The following FLI1 variants were observed in gnomAD, a reference collection of about 807,000 sequenced individuals.
FLI1 encodes the protein Fli-1 proto-oncogene, ETS transcription factor, also known as Friend leukemia integration 1 transcription factor.
FLI1 carries 13 observed loss-of-function variants against 53.1 expected under a neutral mutation model. The ratio of observed to expected loss-of-function variants is 0.24; its 90% confidence interval spans 0.16 to 0.39. The LOEUF is 0.39. Ranked by LOEUF, FLI1 falls within the 10% of genes least tolerant of loss-of-function variation. The pLI is 1.00. For missense variants in FLI1, 424 were observed against 600.5 expected (o/e 0.71, Z 3.07); for synonymous variants, 244 against 236.7 (o/e 1.03, Z -0.28).
rs61050928 is a variant in FLI1, at chr11:128,784,220, T to TCTCCTCCTC, written c.655+2239_655+2247dup. ...CCAAGTTGAAATGTGTTGCTAACCATCTCCTCCTCCTCCTCCTCCTCCTCC... is the reference window on the plus strand; with the variant it reads ...CCAAGTTGAAATGTGTTGCTAACCATCTCCTCCTCCTCCTCCTCCTCCTCCTCCTCCTCC... On this transcript the variant is annotated intron_variant, in intron 5 of 8. Coordinates refer to ENST00000527786, the MANE Select transcript of FLI1 (RefSeq NM_002017.5). 7.8e-3 allele frequency among the ~76,000 whole-genome samples: 914 copies of TCTCCTCCTC among 117,506 alleles called. 2 individuals carry two copies. The highest frequency in any genetic ancestry group is 0.014 in the South Asian group (45 of 3,254). The allele number at this position is 117,506 out of a possible 152,430, so 77.1% of individuals were successfully genotyped here.
rs529713389 is a variant in FLI1 at position 128,748,206 on chromosome 11, G to A, written c.19-9909G>A. On this transcript the variant is annotated intron_variant, in intron 1 of 8. Coordinates refer to ENST00000527786, the MANE Select transcript of FLI1 (RefSeq NM_002017.5). ...AAACACCATTAAATAAAGTACTTTC[G>A]TCTGCAAATAATTGCAATTGCATCT... The A allele has an allele frequency of 4.1e-5, 38 of 932,726 alleles. No individual in the cohort carries two copies. In the African/African-American group the frequency reaches 4.8e-4, roughly 12 times the overall value. The allele number at this position is 932,726 out of a possible 1,614,324, so 57.8% of individuals were successfully genotyped here. A position where few individuals can be genotyped will look rare whatever the true frequency, so the allele number is the denominator to read the frequency against.
intron 1 of FLI1, among the ~76,000 whole-genome samples, chr11:128,687,643 C>A (rs1256144973): frequency 9.9e-5 from 15 of 152,172 alleles, no homozygotes. Context: ...CCTCGAGTGT[C>A]GGGCAAATGC....
Position 128,765,788 on chromosome 11 carries a change from G to A in FLI1, c.231-2330G>A, listed in dbSNP as rs573964669. Among the ~76,000 whole-genome samples, 14 of 152,270 alleles carry A rather than the reference G, an allele frequency of 9.2e-5. 1 individual carries two copies. The highest frequency in any genetic ancestry group is 4.1e-4 in the South Asian group (2 of 4,832). Reference sequence around the variant, plus strand: ...TGCGTGAGTGTGTGTGTATGCACGCGTGTGTGTAATGTGTATGCGTGTGTG... The same window carrying A: ...TGCGTGAGTGTGTGTGTATGCACGCATGTGTGTAATGTGTATGCGTGTGTG... On this transcript the variant is annotated intron_variant, in intron 2 of 8. Coordinates refer to ENST00000527786, the MANE Select transcript of FLI1 (RefSeq NM_002017.5).
intron 5 of FLI1, among the ~76,000 whole-genome samples, chr11:128,790,331 G>A (rs1200359369): frequency 1.3e-5 from 2 of 151,270 alleles, no homozygotes; most frequent in Non-Finnish European, 2.9e-5. Context: ...GGGTGACAGA[G>A]AGAAACAGAG....
chr11:128,759,220 G>A (rs1193919008), intron 2 of FLI1, among the ~76,000 whole-genome samples: 2 of 152,176 alleles, frequency 1.3e-5, no homozygotes, highest in Non-Finnish European at 2.9e-5. Flanking sequence ...TGGGCCAAAG[G>A]CACAAAGAGA....
At chr11:128,752,225 C>T (rs1244775406) in intron 1 of FLI1, among the ~76,000 whole-genome samples, 1 of 152,102 alleles carries the variant, frequency 6.6e-6, no homozygotes, top group Non-Finnish European at 1.5e-5. Context: ...ATCTTCCCGC[C>T]TCAGCCTTCC....
At chr11:128,789,671 G>A (rs1036880205) in intron 5 of FLI1, among the ~76,000 whole-genome samples, 1 of 152,234 alleles carries the variant, frequency 6.6e-6, no homozygotes. Flanking sequence ...ACTTGGGAAG[G>A]CGGGCATTTG....
At chr11:128,801,372 G>C (rs1243597929) in intron 5 of FLI1, among the ~76,000 whole-genome samples, 4 of 152,172 alleles carry the variant, frequency 2.6e-5, no homozygotes, top group African/African-American at 9.7e-5. Context: ...TGTATGTTGG[G>C]GACTAGAGAT....
At chr11:128,726,407 A>G (rs958190444) in intron 1 of FLI1, among the ~76,000 whole-genome samples, 2 of 152,144 alleles carry the variant, frequency 1.3e-5, no homozygotes, top group Non-Finnish European at 2.9e-5. Flanking sequence ...ACTTGGAGAG[A>G]ATGAGGGTCC....
chr11:128,695,068 C>A (rs1937992414), intron 1 of FLI1, among the ~76,000 whole-genome samples: 2 of 152,082 alleles, frequency 1.3e-5, no homozygotes, highest in Non-Finnish European at 1.5e-5. Flanking sequence ...GAGCTGTCGC[C>A]TCCGAAAGGG....
At chr11:128,783,931 G>GAGGGAAGGAAGGGA (rs1488109442) in intron 5 of FLI1, among the ~76,000 whole-genome samples, 1 of 151,904 alleles carries the variant, frequency 6.6e-6, no homozygotes, top group Non-Finnish European at 1.5e-5. Flanking sequence ...GAGAGAGAGA[G>GAGGGAAGGAAGGGA]AGGGAAGGAA....
upstream of FLI1, among the ~76,000 whole-genome samples, chr11:128,685,464 A>G (rs1865784229): frequency 6.6e-6 from 1 of 152,004 alleles, no homozygotes; most frequent in South Asian, 2.1e-4. Context: ...GCAGTCGGGA[A>G]ATGTGGGACT....
At chr11:128,791,265 G>A (rs1395677843) in intron 5 of FLI1, among the ~76,000 whole-genome samples, 2 of 152,106 alleles carry the variant, frequency 1.3e-5, no homozygotes, top group Non-Finnish European at 2.9e-5. Context: ...CTTGGTTCCT[G>A]TCTACTCTAT....
intron 2 of FLI1, chr11:128,764,816 G>A: frequency 6.3e-7 from 1 of 1,592,766 alleles, no homozygotes; most frequent in Non-Finnish European, 8.5e-7. Flanking sequence ...CAGGCGAGCG[G>A]GCGAGGTATG....
intron 5 of FLI1, among the ~76,000 whole-genome samples, chr11:128,785,232 G>C (rs1223866424): frequency 6.6e-6 from 1 of 152,010 alleles, no homozygotes; most frequent in African/African-American, 2.4e-5. Context: ...AAATAAACTA[G>C]GATAAAAGCT....
Position 128,751,358 on chromosome 11 carries a change from C to CTT in FLI1, c.19-6743_19-6742dup, listed in dbSNP as rs55904040. Among the ~76,000 whole-genome samples, 677 of 142,634 alleles carry CTT rather than the reference C, an allele frequency of 4.7e-3. 8 individuals are homozygous for CTT. Among genetic ancestry groups the CTT allele is most frequent in the African/African-American group, 0.016 (635 of 39,054 alleles). 93.6% of individuals were successfully genotyped at this position (142,634 alleles called of 152,430 possible). The stretch of plus-strand genomic sequence containing the variant: ...TGGCCTTCATTAAAATTTTTTTTAA[C>CTT]TTTTTTTTTTTTTTTGAGACACTGT... On this transcript the variant is annotated intron_variant, in intron 1 of 8. Coordinates refer to ENST00000527786, the MANE Select transcript of FLI1 (RefSeq NM_002017.5).
chr11:128,705,176 T>C (rs1481670149), intron 1 of FLI1, among the ~76,000 whole-genome samples: 2 of 152,206 alleles, frequency 1.3e-5, no homozygotes, highest in East Asian at 1.9e-4. Flanking sequence ...TTACTATTTG[T>C]TTTATCTCTT....
At chr11:128,746,373 C>T (rs1263425599) in intron 1 of FLI1, among the ~76,000 whole-genome samples, 2 of 152,218 alleles carry the variant, frequency 1.3e-5, no homozygotes, top group African/African-American at 4.8e-5. Context: ...GCCATCCACA[C>T]TCTTTCCTCT....
chr11:128,812,023 T>C lies in FLI1; in HGVS notation c.*1035T>C. The C allele has an allele frequency of 4.8e-6, 1 of 206,406 alleles. No individual in the cohort carries two copies. The highest frequency in any genetic ancestry group is 7.4e-5 in the East Asian group (1 of 13,508). The allele number at this position is 206,406 out of a possible 1,614,324, so 12.8% of individuals were successfully genotyped here. A position where few individuals can be genotyped will look rare whatever the true frequency, so the allele number is the denominator to read the frequency against. On this transcript the variant is annotated 3_prime_UTR_variant, in exon 9 of 9. Coordinates refer to ENST00000527786, the MANE Select transcript of FLI1 (RefSeq NM_002017.5). The stretch of plus-strand genomic sequence containing the variant: ...TACATTTGGGCTGTCTGTATGTTTT[T>C]ATAGCTGGTTTTTAAAAAGCATAAT...
Sources: gnomAD v4.1 joint callset for allele counts (sites outside exome capture counted in the v4.1 genomes callset) on GRCh38, gnomAD v4.1.1 for gene constraint, MANE v1.5 for transcripts, NCBI Gene and HGNC (gene_info 2026-07-23, HGNC 2026-07-21) for gene names.